DYDC2: variants seen among roughly 807,000 people sequenced by gnomAD.
DYDC2 encodes DPY30 domain-containing protein 2.
DYDC2 carries 19 observed loss-of-function variants against 18.7 expected under a neutral mutation model. The ratio of observed to expected loss-of-function variants is 1.02; its 90% CI spans 0.71 to 1.49. The LOEUF (loss-of-function observed/expected upper bound fraction) is 1.49, where lower values mean the gene tolerates loss of function less well. Ranked by LOEUF, DYDC2 falls within the 40% of genes most tolerant of loss-of-function variation. The probability of loss-of-function intolerance (pLI) is 0.00; values close to 1 mark genes in which losing one functional copy is unlikely to be tolerated. For missense variants in DYDC2, 179 were observed against 205.1 expected (o/e 0.87, Z 0.78); for synonymous variants, 63 against 67.6 (o/e 0.93, Z 0.34).
upstream of DYDC2, chr10:80,352,700 A>G: frequency 1.4e-6 from 2 of 1,415,626 alleles, no homozygotes; most frequent in Middle Eastern, 2.0e-4. Context: ...AAAGCCTTAC[A>G]TACACCCTGC....
At chr10:80,365,882 T>A (rs1000453556) in intron 4 of DYDC2, among the ~76,000 whole-genome samples, 2 of 152,198 alleles carry the variant, frequency 1.3e-5, no homozygotes, top group African/African-American at 2.4e-5. Context: ...TTTAGTTTTT[T>A]AAATATAATT....
upstream of DYDC2, chr10:80,356,425 A>G: frequency 9.1e-6 from 9 of 985,242 alleles, no homozygotes; most frequent in Non-Finnish European, 1.1e-5. Context: ...TGCCAGATAC[A>G]GTATTGTATC....
At chr10:80,351,998 T>G, upstream of DYDC2, 1 of 1,614,064 alleles carries the variant, frequency 6.2e-7, no homozygotes, top group Non-Finnish European at 8.5e-7. Flanking sequence ...CATTTCCTTT[T>G]GTCTCTAGCA....
At position 80,367,254 on chromosome 10, in the gene DYDC2, C is replaced by T. The variant is rs887953720; in HGVS notation, c.*303C>T. The T allele has an allele frequency of 8.5e-6, 2 of 235,818 alleles. No individual in the cohort carries two copies. The highest frequency in any genetic ancestry group is 9.5e-5 in the East Asian group (1 of 10,560). The allele number at this position is 235,818 out of a possible 1,614,324, so 14.6% of individuals were successfully genotyped here. A position where few individuals can be genotyped will look rare whatever the true frequency, so the allele number is the denominator to read the frequency against. ...GGGGTGATCAGACCCAACACCCGGC[C>T]ATGGGGGCTACAAAGTCCAGCCGAG... is the stretch of plus-strand genomic sequence containing the variant. On this transcript the variant is annotated 3_prime_UTR_variant, in exon 5 of 5. Transcript: ENST00000256039.
At chr10:80,347,694 G>A (rs547693049) in intron 1 of DYDC2, among the ~76,000 whole-genome samples, 51 of 152,220 alleles carry the variant, frequency 3.4e-4, no homozygotes, top group African/African-American at 1.2e-3. Context: ...TCCCAACACC[G>A]TTCATTGAAG....
At chr10:80,351,173 T>G (rs1440472766) in intron 1 of DYDC2, among the ~76,000 whole-genome samples, 1 of 152,180 alleles carries the variant, frequency 6.6e-6, no homozygotes, top group East Asian at 1.9e-4. Context: ...GTGAACATGG[T>G]GCCTACTTCA....
chr10:80,358,051 T>C lies in DYDC2; in HGVS notation c.-10+6T>C. 2.0e-6 allele frequency: 2 copies of C among 985,372 alleles called. No homozygotes were observed. The highest frequency in any genetic ancestry group is 1.2e-6 in the Non-Finnish European group (1 of 829,994). The allele number at this position is 985,372 out of a possible 1,614,324, so 61.0% of individuals were successfully genotyped here. A position where few individuals can be genotyped will look rare whatever the true frequency, so the allele number is the denominator to read the frequency against. On this transcript the variant is annotated splice_donor_region_variant and intron_variant, in intron 2 of 4. Coordinates refer to ENST00000256039, the MANE Select transcript of DYDC2 (RefSeq NM_032372.6). ...AATAGCCTCTCCCCCCATTGGTGAG[T>C]GTACCCTAAGTTGGTCTGAGTGGGC...
rs186818628 is a variant in DYDC2, at chr10:80,348,845, T to A, written c.-310+4030T>A. On this transcript the variant is annotated intron_variant, in intron 1 of 4. Coordinates refer to the DYDC2 transcript ENST00000372197. ...TGACAGTAACTATGTAAAAAGACATTTTCAAGGATGAAATGCATAAAACCT... is the reference window on the plus strand; with the variant it reads ...TGACAGTAACTATGTAAAAAGACATATTCAAGGATGAAATGCATAAAACCT... Among the ~76,000 whole-genome samples, 769 of 152,328 alleles carry A rather than the reference T, an allele frequency of 5.0e-3. 7 individuals carry two copies. Among genetic ancestry groups the A allele is most frequent in the African/African-American group, 0.018 (740 of 41,564 alleles).
chr10:80,347,219 A>G (rs1271630641), intron 1 of DYDC2, among the ~76,000 whole-genome samples: 1 of 136,546 alleles, frequency 7.3e-6, no homozygotes, highest in Non-Finnish European at 1.6e-5. Context: ...GGCCACTTTT[A>G]TATCTTCCTT....
At chr10:80,356,340 G>A (rs1843366048), upstream of DYDC2, 4 of 985,956 alleles carry the variant, frequency 4.1e-6, no homozygotes, top group South Asian at 1.4e-4. Flanking sequence ...AGAGATGGAA[G>A]GAGATTCCTT....
intron 2 of DYDC2, among the ~76,000 whole-genome samples, chr10:80,361,597 C>T (rs2132892320): frequency 6.6e-6 from 1 of 152,304 alleles, no homozygotes; most frequent in East Asian, 1.9e-4. Flanking sequence ...ATTTTCCCCA[C>T]ATTTATTAGT....
At chr10:80,348,800 CAT>C (rs935027263) in intron 1 of DYDC2, among the ~76,000 whole-genome samples, 1 of 152,200 alleles carries the variant, frequency 6.6e-6, no homozygotes, top group African/African-American at 2.4e-5. Context: ...ATTATACACA[CAT>C]AGACTGATAG....
chr10:80,351,981 G>A, upstream of DYDC2: 1 of 1,614,062 alleles, frequency 6.2e-7, no homozygotes, highest in Non-Finnish European at 8.5e-7. Context: ...TCACGCTCCA[G>A]CTTGGCCATT....
chr10:80,359,264 C>G (rs1216654129), intron 2 of DYDC2, among the ~76,000 whole-genome samples: 1 of 152,204 alleles, frequency 6.6e-6, no homozygotes, highest in East Asian at 1.9e-4. Context: ...TAGCTAGACA[C>G]AGAGCACTGA....
At chr10:80,356,774 G>C (rs1230920844), upstream of DYDC2, 4 of 985,420 alleles carry the variant, frequency 4.1e-6, no homozygotes, top group Non-Finnish European at 4.8e-6. Flanking sequence ...ACGAGAGCTC[G>C]CGCCTCAGGA....
chr10:80,366,965 G>A lies in DYDC2; in HGVS notation c.*14G>A. 1 of 1,595,868 alleles carries A rather than the reference G, an allele frequency of 6.3e-7. No homozygotes were observed. Among genetic ancestry groups the A allele is most frequent in the Non-Finnish European group, 8.5e-7 (1 of 1,172,624 alleles). On this transcript the variant is annotated 3_prime_UTR_variant, in exon 5 of 5. Transcript: ENST00000256039. Reference sequence around the variant, plus strand: ...TCTCCTTTTTAGGTTACAGAAGGTAGATGCTTCTGATTTACTTCTCTCAAA... The same window carrying A: ...TCTCCTTTTTAGGTTACAGAAGGTAAATGCTTCTGATTTACTTCTCTCAAA...
At chr10:80,353,349 A>G (rs934266383), upstream of DYDC2, among the ~76,000 whole-genome samples, 4 of 151,514 alleles carry the variant, frequency 2.6e-5, no homozygotes, top group African/African-American at 9.7e-5. Flanking sequence ...TTTTTAGTAG[A>G]GACAGGGTTT....
At chr10:80,352,187 T>C (rs753647822), upstream of DYDC2, among the ~76,000 whole-genome samples, 1 of 152,208 alleles carries the variant, frequency 6.6e-6, no homozygotes, top group Non-Finnish European at 1.5e-5. Context: ...AATATTAAAG[T>C]TATACATTGT....
intron 1 of DYDC2, among the ~76,000 whole-genome samples, chr10:80,357,305 C>T (rs1376730513): frequency 6.6e-6 from 1 of 150,872 alleles, no homozygotes; most frequent in Non-Finnish European, 1.5e-5. Context: ...GCGGGACGGG[C>T]GTGTGCTCGT....
Sources: gnomAD v4.1 joint callset for allele counts (sites outside exome capture counted in the v4.1 genomes callset) on GRCh38, gnomAD v4.1.1 for gene constraint, MANE v1.5 for transcripts, NCBI Gene and HGNC (gene_info 2026-07-23, HGNC 2026-07-21) for gene names.